Variants in DYNLT1 observed in about 807,000 individuals in gnomAD.
DYNLT1 encodes T-complex testis-specific protein 1 homolog.
DYNLT1 carries 18 observed loss-of-function variants against 19.6 expected under a neutral mutation model. The observed-to-expected ratio is 0.92, with a 90% CI of 0.64 to 1.36. The LOEUF (loss-of-function observed/expected upper bound fraction) is 1.36. DYNLT1 is among the 40% of genes most tolerant of loss of function. The probability of loss-of-function intolerance (pLI) is 0.00; values close to 1 mark genes in which losing one functional copy is unlikely to be tolerated. For missense variants in DYNLT1, 137 were observed against 139.3 expected, an observed-to-expected ratio of 0.98 and a Z score of 0.08; for synonymous variants, 56 against 44.0, an observed-to-expected ratio of 1.27 and a Z score of -1.07.
chr6:158,638,030 A>C, intron 2 of DYNLT1, 136 bp from the exon 3 acceptor site: 5 of 1,311,468 alleles, frequency 3.8e-6, no homozygotes, highest in Non-Finnish European at 5.2e-6. Context: ...TTGCAAATAT[A>C]CTTTTAATAG....
At chr6:158,639,377 G>A (rs1787087623) in intron 2 of DYNLT1, among the ~76,000 whole-genome samples, 1 of 152,160 alleles carries the variant, frequency 6.6e-6, no homozygotes, top group South Asian at 2.1e-4. Context: ...CATTGTCAAA[G>A]GGTAGGGGGG....
chr6:158,642,610 T>G (rs1298886831), intron 1 of DYNLT1: 1 of 152,186 alleles, frequency 6.6e-6, no homozygotes, highest in Admixed American at 6.5e-5. Flanking sequence ...CCACCTCACT[T>G]GCTGTACTCA....
rs764380659 is a variant in DYNLT1, at chr6:158,637,202, G to C, written c.197C>G (p.Thr66Ser). 2 of 1,613,418 alleles carry C rather than the reference G, an allele frequency of 1.2e-6. No individual in the cohort carries two copies. The highest frequency in any genetic ancestry group is 1.7e-6 in the Non-Finnish European group (2 of 1,179,752). Reference protein sequence around the residue: ...KLGKPFKYIVTCVIMQKNGAG... With the variant: ...KLGKPFKYIVSCVIMQKNGAG... Reference sequence around the variant, plus strand: ...TCCATTCTTCTGCATAATTACACAGGTCACTTAAGTTAAAACAAATTTTTG... The same window carrying C: ...TCCATTCTTCTGCATAATTACACAGCTCACTTAAGTTAAAACAAATTTTTG... Residue 66 changes from threonine to serine, a missense_variant, in exon 4 of 5, where the codon ACC (threonine) becomes AGC (serine). Physicochemically the swap from Thr to Ser is moderately conservative, Grantham distance 58 (BLOSUM62 1). Coordinates refer to ENST00000367089, the MANE Select transcript of DYNLT1 (RefSeq NM_006519.4).
intron 1 of DYNLT1, 25 bp downstream of exon 1, chr6:158,644,657 C>T: frequency 6.2e-7 from 1 of 1,611,760 alleles, no homozygotes; most frequent in South Asian, 1.1e-5. Context: ...GGCCTCCACC[C>T]TTCCGTCGCC....
intron 2 of DYNLT1, among the ~76,000 whole-genome samples, chr6:158,640,413 G>A (rs1787111296): frequency 6.6e-6 from 1 of 152,014 alleles, no homozygotes. Context: ...TAGTATCTGT[G>A]CCCCATTTTA....
At chr6:158,643,511 C>T (rs1252600964) in intron 1 of DYNLT1, among the ~76,000 whole-genome samples, 1 of 152,000 alleles carries the variant, frequency 6.6e-6, no homozygotes, top group African/African-American at 2.4e-5. Flanking sequence ...GACGGAGTTT[C>T]GCTCTTGTTG....
intron 2 of DYNLT1, 61 bp from the exon 3 acceptor site, chr6:158,637,955 T>G: frequency 6.3e-7 from 1 of 1,588,236 alleles, no homozygotes; most frequent in Non-Finnish European, 8.5e-7. Context: ...CACCTTTCAA[T>G]CAGGAACTGA....
At position 158,636,509 on chromosome 6, in the gene DYNLT1, A is replaced by C; in HGVS notation, c.*318T>G. 3.4e-6 allele frequency: 1 copy of C among 297,384 alleles called. No homozygotes were observed. 18.4% of individuals were successfully genotyped at this position (297,384 alleles called of 1,614,324 possible). A position where few individuals can be genotyped will look rare whatever the true frequency, so the allele number is the denominator to read the frequency against. ...AATAATTTATTCTAACAAAAGTATA[A>C]AGTATGGAAAATTAGTGTATTTGAA... On this transcript the variant is annotated 3_prime_UTR_variant, in exon 5 of 5. Coordinates refer to ENST00000367089, the MANE Select transcript of DYNLT1 (RefSeq NM_006519.4).
In DYNLT1 at chr6:158,644,471, C is replaced by T. The variant is rs182885041; in HGVS notation, c.27+211G>A. Reference sequence around the variant, plus strand: ...CCCGCGCGGGAAGAAGCTCAATCCCCTTCCCGCCCCCCGCGCCGGGGAAAC... The same window carrying T: ...CCCGCGCGGGAAGAAGCTCAATCCCTTTCCCGCCCCCCGCGCCGGGGAAAC... On this transcript the variant is annotated intron_variant, in intron 1 of 4. Transcript: ENST00000367089. Among the ~76,000 whole-genome samples, 384 of 152,322 alleles carry T rather than the reference C, an allele frequency of 2.5e-3. 1 individual carries two copies. Among genetic ancestry groups the T allele is most frequent in the African/African-American group, 8.8e-3 (368 of 41,590 alleles).
chr6:158,641,969 T>A (rs911510208), intron 1 of DYNLT1: 1 of 152,240 alleles, frequency 6.6e-6, no homozygotes, highest in Non-Finnish European at 1.5e-5. Flanking sequence ...CATTAACCAA[T>A]AGAGAGGCTT....
In DYNLT1 at chr6:158,637,492, C is replaced by T. The variant is rs1787035730; in HGVS notation, c.193+279G>A. On this transcript the variant is annotated intron_variant, in intron 3 of 4. Transcript: ENST00000367089. ...AAAGTTGAAAAATTCTAAGTTGAGC[C>T]ACTGTCAGCTGGGGGCTGTCCACAC... 6.5e-6 allele frequency: 4 copies of T among 619,972 alleles called. No individual in the cohort carries two copies. The Admixed American group carries it at 1.2e-4, about 19-fold the overall frequency. 38.4% of individuals were successfully genotyped at this position (619,972 alleles called of 1,614,324 possible).
rs370746763 is a variant in DYNLT1, at chr6:158,644,738, C to T, written c.-30G>A. On this transcript the variant is annotated 5_prime_UTR_variant, in exon 1 of 5. Transcript: ENST00000367089. ...CCTCCGGCGCGTCCCCTCCGGCTCC[C>T]TGAGTGGCGCGGACTGCGCAGGCGC... 3.1e-6 allele frequency: 5 copies of T among 1,608,372 alleles called. No individual in the cohort carries two copies. Among genetic ancestry groups the T allele is most frequent in the East Asian group, 4.5e-5 (2 of 44,826 alleles).
In DYNLT1 at chr6:158,636,823, C is replaced by A; in HGVS notation, c.*4G>T. 1 of 1,609,448 alleles carries A rather than the reference C, an allele frequency of 6.2e-7. No homozygotes were observed. Among genetic ancestry groups the A allele is most frequent in the Non-Finnish European group, 8.5e-7 (1 of 1,178,018 alleles). ...AGGAGAAAGGCCATAGGCTGGACTG[C>A]AGGTCAAATAGACAGTCCGAAGGCA... On this transcript the variant is annotated 3_prime_UTR_variant, in exon 5 of 5. Coordinates refer to ENST00000367089, the MANE Select transcript of DYNLT1 (RefSeq NM_006519.4).
At chr6:158,642,921 G>C (rs1031233250) in intron 1 of DYNLT1, 1 of 152,228 alleles carries the variant, frequency 6.6e-6, no homozygotes, top group Non-Finnish European at 1.5e-5. Flanking sequence ...GCATCTACAC[G>C]AAGTTAGAAG....
In DYNLT1 at chr6:158,636,611, TAAGAC is replaced by T. The variant is rs1176694313; in HGVS notation, c.*211_*215del. On this transcript the variant is annotated 3_prime_UTR_variant, in exon 5 of 5. Transcript: ENST00000367089. ...ACCTTTGAAATGAAATATTCAGAGT[TAAGAC>T]AAGTGGCAACGCAGGCTGCAGGTGA... 14 of 519,626 alleles carry T rather than the reference TAAGAC, an allele frequency of 2.7e-5. No homozygotes were observed. The highest frequency in any genetic ancestry group is 9.5e-5 in the East Asian group (3 of 31,544). The allele number at this position is 519,626 out of a possible 1,614,324, so 32.2% of individuals were successfully genotyped here. A position where few individuals can be genotyped will look rare whatever the true frequency, so the allele number is the denominator to read the frequency against.
At chr6:158,640,039 A>C (rs1787103067) in intron 2 of DYNLT1, among the ~76,000 whole-genome samples, 1 of 152,192 alleles carries the variant, frequency 6.6e-6, no homozygotes. Context: ...GTCAAAGATA[A>C]GGCAGAAAAC....
intron 1 of DYNLT1, 124 bp from the exon 2 acceptor site, chr6:158,641,484 A>C: frequency 1.3e-6 from 1 of 757,230 alleles, no homozygotes; most frequent in Non-Finnish European, 2.0e-6. Context: ...ATCTAACTAG[A>C]CTGTTCAGCT....
chr6:158,636,560 C>G lies in DYNLT1; in HGVS notation c.*267G>C, dbSNP rs1786999846. On this transcript the variant is annotated 3_prime_UTR_variant, in exon 5 of 5. Coordinates refer to ENST00000367089, the MANE Select transcript of DYNLT1 (RefSeq NM_006519.4). ...TCATTTCAGAGAGTAGAGCAAGTTT[C>G]ACACTAGCAGATTTCAGATTTTAGC... 1 of 412,166 alleles carries G rather than the reference C, an allele frequency of 2.4e-6. No individual in the cohort carries two copies. The highest frequency in any genetic ancestry group is 2.0e-5 in the African/African-American group (1 of 50,324). The allele number at this position is 412,166 out of a possible 1,614,324, so 25.5% of individuals were successfully genotyped here.
At chr6:158,637,625 C>G in intron 3 of DYNLT1, 146 bp downstream of exon 3, 1 of 1,262,134 alleles carries the variant, frequency 7.9e-7, no homozygotes, top group Non-Finnish European at 1.1e-6. Flanking sequence ...CAAGCGTACG[C>G]TAACGTATAC....
Sources: gnomAD v4.1 joint callset for allele counts (sites outside exome capture counted in the v4.1 genomes callset) on GRCh38, gnomAD v4.1.1 for gene constraint, MANE v1.5 for transcripts, NCBI Gene and HGNC (gene_info 2026-07-23, HGNC 2026-07-21) for gene names.